The following KIF7 variants were observed in gnomAD, a reference collection of about 807,000 sequenced individuals.
KIF7 encodes kinesin family member 7.
Under a neutral mutation model 135.7 loss-of-function variants are expected in KIF7, and 104 were observed. The ratio of observed to expected loss-of-function variants is 0.77; its 90% CI spans 0.65 to 0.90. The LOEUF (loss-of-function observed/expected upper bound fraction) is 0.90, where lower values mean the gene tolerates loss of function less well. KIF7 is among the 40% of genes least tolerant of loss of function. The pLI, the probability that KIF7 is intolerant of heterozygous loss-of-function variation, is 0.00. For missense variants in KIF7, 2,005 were observed against 1,839.1 expected (o/e 1.09, Z -1.65); for synonymous variants, 883 against 809.4 (o/e 1.09, Z -1.54).
At chr15:89,618,561 CTT>C (rs956766752) in intron 1 of KIF7, among the ~76,000 whole-genome samples, 8 of 152,188 alleles carry the variant, frequency 5.3e-5, no homozygotes, top group Non-Finnish European at 7.3e-5. Flanking sequence ...TGGGGAGTGT[CTT>C]TTCTGAGACA....
Position 89,642,260 on chromosome 15 carries a change from C to T in KIF7, c.2337G>A (p.Glu779=), listed in dbSNP as rs202089770. The change falls in exon 11 of 19, where the codon GAG becomes GAA. Residue 779 remains glutamate (E), a synonymous_variant. Transcript: ENST00000394412. ...LEGKELQDAG[E]RSRLQEFRRR... is the part of the protein sequence containing the mutation. Reference sequence around the variant, plus strand: ...TGCGGAACTCCTGGAGCCGAGACCGCTCGCCAGCATCCTGGAGCTCCTTGC... The same window carrying T: ...TGCGGAACTCCTGGAGCCGAGACCGTTCGCCAGCATCCTGGAGCTCCTTGC... The T allele has an allele frequency of 8.0e-5, 129 of 1,610,378 alleles. No individual in the cohort carries two copies. In the Middle Eastern group the frequency reaches 2.0e-3, roughly 25 times the overall value.
chr15:89,628,346 A>G lies in KIF7; in HGVS notation c.*73T>C. 6.5e-7 allele frequency: 1 copy of G among 1,531,190 alleles called. No individual in the cohort carries two copies. Among genetic ancestry groups the G allele is most frequent in the Non-Finnish European group, 8.8e-7 (1 of 1,140,402 alleles). The allele number at this position is 1,531,190 out of a possible 1,614,324, so 94.9% of individuals were successfully genotyped here. A position where few individuals can be genotyped will look rare whatever the true frequency, so the allele number is the denominator to read the frequency against. Reference sequence around the variant, plus strand: ...GTGTGCGGTAAGGACTGCCCTTCACAGAAGCAAAACAGGCAGCTGCCCCTT... The same window carrying G: ...GTGTGCGGTAAGGACTGCCCTTCACGGAAGCAAAACAGGCAGCTGCCCCTT... On this transcript the variant is annotated 3_prime_UTR_variant, in exon 19 of 19. Coordinates refer to ENST00000394412, the MANE Select transcript of KIF7 (RefSeq NM_198525.3).
At chr15:89,624,473 C>T (rs779123562), downstream of KIF7, 8 of 1,614,060 alleles carry the variant, frequency 5.0e-6, no homozygotes, top group African/African-American at 6.7e-5. Flanking sequence ...TGTAGAAAGA[C>T]CTCTGATCCC....
chr15:89,627,229 C>T (rs1334664184), downstream of KIF7: 1 of 992,368 alleles, frequency 1.0e-6, no homozygotes, highest in Non-Finnish European at 1.5e-6. Flanking sequence ...TTTCTAATTC[C>T]CCTTATGGAT....
chr15:89,619,958 G>GGT, intron 1 of KIF7: 1 of 1,289,734 alleles, frequency 7.8e-7, no homozygotes, highest in Non-Finnish European at 1.1e-6. Context: ...AAGTAGAATA[G>GGT]GTATGTCTAG....
At chr15:89,623,668 A>G, downstream of KIF7, 1 of 1,611,862 alleles carries the variant, frequency 6.2e-7, no homozygotes, top group Non-Finnish European at 8.5e-7. Flanking sequence ...TTCTAAAACT[A>G]CACCAAGAAG....
At chr15:89,642,135 G>A in intron 11 of KIF7, 68 bp downstream of exon 11, 1 of 1,520,862 alleles carries the variant, frequency 6.6e-7, no homozygotes, top group South Asian at 1.1e-5. Flanking sequence ...ACATGTCCTG[G>A]TCCCAAGGAT....
intron 6 of KIF7, 146 bp downstream of exon 6, chr15:89,647,450 A>G (rs1964035046): frequency 2.7e-6 from 2 of 746,384 alleles, no homozygotes; most frequent in Admixed American, 2.0e-5. Flanking sequence ...TCACCTCCAC[A>G]CTTTCGCTCA....
chr15:89,626,947 T>C, downstream of KIF7: 1 of 1,613,106 alleles, frequency 6.2e-7, no homozygotes, highest in East Asian at 2.2e-5. Context: ...CCTTTCTACC[T>C]TCTTCTAGAT....
At position 89,652,773 on chromosome 15, in the gene KIF7, C is replaced by T. The variant is rs746547718; in HGVS notation, c.158G>A (p.Arg53Gln). The change falls in exon 2 of 19, where the codon CGA becomes CAA. Residue 53 changes from arginine (R) to glutamine (Q), a missense_variant. Physicochemically the swap from Arg to Gln is conservative, Grantham distance 43. Transcript: ENST00000394412. ...CAGCACCACGTGGAAGCCAAAGTGT[C>T]GGTCACGGCCCAGAGTGACGCGGCC... ...GLGRVTLGRD[R>Q]HFGFHVVLAE... 24 of 1,551,488 alleles carry T rather than the reference C, an allele frequency of 1.5e-5. No individual in the cohort carries two copies. Among genetic ancestry groups the T allele is most frequent in the Admixed American group, 5.9e-5 (3 of 50,988 alleles).
chr15:89,625,123 C>T (rs150284047), downstream of KIF7: 1 of 1,613,994 alleles, frequency 6.2e-7, no homozygotes, highest in Non-Finnish European at 8.5e-7. Context: ...CCTCCCTGCT[C>T]TCAGCATGCC....
chr15:89,627,022 G>A (rs1200213412), downstream of KIF7: 1 of 1,613,988 alleles, frequency 6.2e-7, no homozygotes, highest in Non-Finnish European at 8.5e-7. Context: ...TTCTCCAGGA[G>A]GCGCCCCATC....
chr15:89,658,878 T>C (rs1964231489), upstream of KIF7, among the ~76,000 whole-genome samples: 1 of 151,704 alleles, frequency 6.6e-6, no homozygotes, highest in African/African-American at 2.4e-5. Flanking sequence ...ATAATAATAA[T>C]AATAATAATT....
intron 11 of KIF7, among the ~76,000 whole-genome samples, chr15:89,638,682 G>A (rs1470593852): frequency 1.3e-5 from 2 of 150,254 alleles, no homozygotes; most frequent in Non-Finnish European, 3.0e-5. Flanking sequence ...ATGCTCATGG[G>A]TAGGAAGAAT....
chr15:89,652,321 G>A (rs149703546), intron 2 of KIF7, among the ~76,000 whole-genome samples: 2 of 152,106 alleles, frequency 1.3e-5, no homozygotes, highest in Admixed American at 6.6e-5. Context: ...CCACCTTCCC[G>A]TGCCCTTCCT....
chr15:89,625,942 C>A, downstream of KIF7: 1 of 1,574,000 alleles, frequency 6.4e-7, no homozygotes, highest in Non-Finnish European at 8.6e-7. Context: ...TTAGGCTCCA[C>A]CCCACCTCCC....
chr15:89,631,714 G>C lies in KIF7; in HGVS notation c.2896-4C>G. Reference sequence around the variant, plus strand: ...GCACGATGTCCTCGTTGAGGGCCTGGGGGCAGAATCACCAGGGATTAGAGA... The same window carrying C: ...GCACGATGTCCTCGTTGAGGGCCTGCGGGCAGAATCACCAGGGATTAGAGA... On this transcript the variant is annotated splice_polypyrimidine_tract_variant and splice_region_variant and intron_variant, in intron 14 of 18. Coordinates refer to ENST00000394412, the MANE Select transcript of KIF7 (RefSeq NM_198525.3). The C allele has an allele frequency of 6.5e-7, 1 of 1,549,952 alleles. No homozygotes were observed.
chr15:89,646,743 G>T, intron 7 of KIF7, 87 bp downstream of exon 7: 1 of 1,182,108 alleles, frequency 8.5e-7, no homozygotes, highest in South Asian at 1.2e-5. Context: ...ATGAGTGGGG[G>T]ACACGTGCCC....
In KIF7 at chr15:89,628,208, A is replaced by C. The variant is rs1963574549; in HGVS notation, c.*211T>G. On this transcript the variant is annotated 3_prime_UTR_variant, in exon 19 of 19. Transcript: ENST00000394412. ...CAATTGGGTACCACAGCTTCATGGA[A>C]GTAAGTGGTGGGAATTTGCATATTA... is the stretch of plus-strand genomic sequence containing the variant. 4 of 534,634 alleles carry C rather than the reference A, an allele frequency of 7.5e-6. No homozygotes were observed. The highest frequency in any genetic ancestry group is 9.7e-6 in the Non-Finnish European group (3 of 310,502). The allele number at this position is 534,634 out of a possible 1,614,324, so 33.1% of individuals were successfully genotyped here. A position where few individuals can be genotyped will look rare whatever the true frequency, so the allele number is the denominator to read the frequency against.
Sources: gnomAD v4.1 joint callset for allele counts (sites outside exome capture counted in the v4.1 genomes callset) on GRCh38, gnomAD v4.1.1 for gene constraint, MANE v1.5 for transcripts, NCBI Gene and HGNC (gene_info 2026-07-23, HGNC 2026-07-21) for gene names.